The following TM4SF18 variants were observed in gnomAD, a reference collection of about 807,000 sequenced individuals.
TM4SF18 encodes transmembrane 4 L six family member 18, also known as transmembrane 4 L6 family member 18.
A neutral mutation model predicts 23.8 loss-of-function variants in TM4SF18; 22 were observed. That is an observed-to-expected ratio of 0.92 (90% CI 0.66 to 1.32). The LOEUF is 1.32. TM4SF18 is among the 40% of genes most tolerant of loss of function. The pLI, the probability that TM4SF18 is intolerant of heterozygous loss-of-function variation, is 0.00. For synonymous variants in TM4SF18, 87 were observed against 87.9 expected (o/e 0.99, Z 0.06); for missense variants, 255 against 240.3 (o/e 1.06, Z -0.41).
At chr3:149,324,483 T>G (rs1009261147) in intron 4 of TM4SF18, among the ~76,000 whole-genome samples, 2 of 152,166 alleles carry the variant, frequency 1.3e-5, no homozygotes, top group African/African-American at 4.8e-5. Flanking sequence ...CAAGCCCTTT[T>G]ACACTTGTAA....
chr3:149,327,408 G>A (rs1394002495), intron 3 of TM4SF18, among the ~76,000 whole-genome samples: 1 of 151,756 alleles, frequency 6.6e-6, no homozygotes, highest in African/African-American at 2.4e-5. Flanking sequence ...GCAAGTTGAG[G>A]TGACAAAGAC....
At chr3:149,326,549 A>G (rs562298236) in intron 3 of TM4SF18, among the ~76,000 whole-genome samples, 2 of 152,340 alleles carry the variant, frequency 1.3e-5, no homozygotes, top group South Asian at 4.1e-4. Context: ...TGGATTTAGC[A>G]TCCACTGATG....
At chr3:149,321,678 C>T (rs1042494180) in intron 5 of TM4SF18, among the ~76,000 whole-genome samples, 186 bp from the exon 6 acceptor site, 1 of 152,178 alleles carries the variant, frequency 6.6e-6, no homozygotes, top group African/African-American at 2.4e-5. Context: ...TACAAGCCAT[C>T]TAAATTCATA....
rs899158521 is a variant in TM4SF18, at chr3:149,320,888, T to C, written c.*590A>G. On this transcript the variant is annotated 3_prime_UTR_variant, in exon 6 of 6. Transcript: ENST00000296059. ...TTGTTATATTTCCTTTTAGATTTAG[T>C]TTTCATCCTAAACTTTGACTATTAG... 6.6e-6 allele frequency: 1 copy of C among 152,166 alleles called. No homozygotes were observed. Among genetic ancestry groups the C allele is most frequent in the African/African-American group, 2.4e-5 (1 of 41,464 alleles). 9.4% of individuals were successfully genotyped at this position (152,166 alleles called of 1,614,324 possible).
intron 2 of TM4SF18, 109 bp downstream of exon 2, chr3:149,333,097 C>A: frequency 8.8e-7 from 1 of 1,135,224 alleles, no homozygotes; most frequent in Non-Finnish European, 1.3e-6. Context: ...AAATCCTACA[C>A]CCAAGATTAG....
chr3:149,321,300 A>T lies in TM4SF18; in HGVS notation c.*178T>A. The T allele has an allele frequency of 2.3e-6, 1 of 437,914 alleles. No individual in the cohort carries two copies. Among genetic ancestry groups the T allele is most frequent in the Non-Finnish European group, 4.2e-6 (1 of 238,560 alleles). The allele number at this position is 437,914 out of a possible 1,614,324, so 27.1% of individuals were successfully genotyped here. A position where few individuals can be genotyped will look rare whatever the true frequency, so the allele number is the denominator to read the frequency against. The stretch of plus-strand genomic sequence containing the variant: ...AGTTTCTGATGCATATTACTTAAAA[A>T]ACATACTAAATGGAAGGGTGGTATA... On this transcript the variant is annotated 3_prime_UTR_variant, in exon 6 of 6. Coordinates refer to ENST00000296059, the MANE Select transcript of TM4SF18 (RefSeq NM_138786.4).
At chr3:149,322,191 C>T (rs576696707) in intron 5 of TM4SF18, 65 bp downstream of exon 5, 6 of 1,394,428 alleles carry the variant, frequency 4.3e-6, no homozygotes, top group Non-Finnish European at 5.9e-6. Context: ...TTCAAAAAGC[C>T]TCATTGAATC....
chr3:149,326,592 G>T (rs1167186601), intron 3 of TM4SF18, among the ~76,000 whole-genome samples: 3 of 152,160 alleles, frequency 2.0e-5, no homozygotes, highest in Non-Finnish European at 2.9e-5. Flanking sequence ...AGCAATCACT[G>T]TGGTTCCAAT....
chr3:149,326,959 T>C (rs1276099290), intron 3 of TM4SF18, among the ~76,000 whole-genome samples: 1 of 152,138 alleles, frequency 6.6e-6, no homozygotes, highest in Non-Finnish European at 1.5e-5. Flanking sequence ...GTTGTTTTGT[T>C]GTTGTTTTTG....
intron 2 of TM4SF18, among the ~76,000 whole-genome samples, chr3:149,332,174 G>A (rs1163780197): frequency 2.0e-5 from 3 of 150,168 alleles, no homozygotes; most frequent in Non-Finnish European, 4.4e-5. Flanking sequence ...TTATTTCATA[G>A]CAACATCAAT....
intron 4 of TM4SF18, among the ~76,000 whole-genome samples, chr3:149,324,531 A>G (rs1048335103): frequency 4.6e-5 from 7 of 152,156 alleles, no homozygotes; most frequent in African/African-American, 1.2e-4. Context: ...AACAAAACTG[A>G]GTTCCTGGAT....
intron 2 of TM4SF18, among the ~76,000 whole-genome samples, chr3:149,332,147 C>T (rs192495839): frequency 6.6e-6 from 1 of 152,142 alleles, no homozygotes; most frequent in East Asian, 1.9e-4. Flanking sequence ...GTAGTGCAGC[C>T]AATATTAGTT....
In TM4SF18 at chr3:149,318,989, G is replaced by A. The variant is rs1730739249; in HGVS notation, c.*2489C>T. On this transcript the variant is annotated 3_prime_UTR_variant, in exon 6 of 6. Transcript: ENST00000296059. ...AGCTTTTTTTTACTTAAAATTGCAT[G>A]ATTAGCATATACTCTTCAAATATAG... 6.6e-6 allele frequency: 1 copy of A among 151,922 alleles called. No homozygotes were observed. The highest frequency in any genetic ancestry group is 6.6e-5 in the Admixed American group (1 of 15,244). 9.4% of individuals were successfully genotyped at this position (151,922 alleles called of 1,614,324 possible). A position where few individuals can be genotyped will look rare whatever the true frequency, so the allele number is the denominator to read the frequency against.
chr3:149,333,461 CTT>C, intron 1 of TM4SF18, 50 bp downstream of exon 1: 1 of 679,002 alleles, frequency 1.5e-6, no homozygotes, highest in South Asian at 4.8e-5. Flanking sequence ...CCTACCTGAC[CTT>C]TTTTTTCTCT....
chr3:149,330,349 T>A lies in TM4SF18; in HGVS notation c.248A>T (p.Asn83Ile). 1.2e-6 allele frequency: 2 copies of A among 1,612,478 alleles called. No individual in the cohort carries two copies. Among genetic ancestry groups the A allele is most frequent in the Non-Finnish European group, 1.7e-6 (2 of 1,179,020 alleles). The change falls in exon 3 of 6, where the codon AAC (asparagine) becomes ATC (isoleucine). Residue 83 changes from asparagine to isoleucine, a missense_variant. Asn to Ile is a moderately radical substitution (Grantham distance 149, BLOSUM62 -3). Transcript: ENST00000296059. ...NNNYKCCQSE[N>I]CSKKYVTLLS... ...TCTTACCACATATTTTTTGCTGCAG[T>A]TTTCACTCTGGCAACATTTATAGTT...
intron 2 of TM4SF18, among the ~76,000 whole-genome samples, chr3:149,331,940 G>A (rs1303391314): frequency 1.3e-5 from 2 of 152,112 alleles, no homozygotes; most frequent in African/African-American, 4.8e-5. Flanking sequence ...CTACTTCTCT[G>A]TAAGATGCTT....
Position 149,318,547 on chromosome 3 carries a change from C to T in TM4SF18, c.*2931G>A, listed in dbSNP as rs895840606. Reference sequence around the variant, plus strand: ...TTTCTAATAATTCAAGTACATAACACATTTTCAAAGGGAAATTTGAAAATA... The same window carrying T: ...TTTCTAATAATTCAAGTACATAACATATTTTCAAAGGGAAATTTGAAAATA... On this transcript the variant is annotated 3_prime_UTR_variant, in exon 6 of 6. Coordinates refer to ENST00000296059, the MANE Select transcript of TM4SF18 (RefSeq NM_138786.4). 1.3e-5 allele frequency: 2 copies of T among 152,110 alleles called. No homozygotes were observed. Among genetic ancestry groups the T allele is most frequent in the African/African-American group, 4.8e-5 (2 of 41,426 alleles). The allele number at this position is 152,110 out of a possible 1,614,324, so 9.4% of individuals were successfully genotyped here.
In TM4SF18 at chr3:149,322,362, A is replaced by G. The variant is rs1559989675; in HGVS notation, c.485T>C (p.Phe162Ser). ...AHVVEWNIIL[F>S]SILITLSGLQ... ...CCCACTGAGGGTTATGAGAATGGAAAATAAAATGATGTTCCACTCCACAAC... is the reference window on the plus strand; with the variant it reads ...CCCACTGAGGGTTATGAGAATGGAAGATAAAATGATGTTCCACTCCACAAC... The change falls in exon 5 of 6, where the codon TTT becomes TCT. Residue 162 changes from phenylalanine to serine, a missense_variant. By Grantham distance (155) the Phe-to-Ser change is radical. Transcript: ENST00000296059. 1.2e-6 allele frequency: 2 copies of G among 1,614,042 alleles called. No individual in the cohort carries two copies. Among genetic ancestry groups the G allele is most frequent in the East Asian group, 2.2e-5 (1 of 44,860 alleles).
intron 1 of TM4SF18, 33 bp downstream of exon 1, chr3:149,333,480 C>CTATATTT: frequency 2.6e-6 from 1 of 391,556 alleles, no homozygotes; most frequent in Non-Finnish European, 3.6e-6. Context: ...CTCTCTCTCT[C>CTATATTT]TCTTTTTTTT....
Sources: gnomAD v4.1 joint callset for allele counts (sites outside exome capture counted in the v4.1 genomes callset) on GRCh38, gnomAD v4.1.1 for gene constraint, MANE v1.5 for transcripts, NCBI Gene and HGNC (gene_info 2026-07-23, HGNC 2026-07-21) for gene names.